The following DACH1 variants were observed in gnomAD, a reference collection of about 807,000 sequenced individuals.
The protein encoded by DACH1 is dachshund family transcription factor 1, also known as dachshund homolog 1.
In DACH1, 12 loss-of-function variants were observed where a neutral mutation model predicts 54.2. The ratio of observed to expected loss-of-function variants is 0.22; its 90% CI spans 0.14 to 0.36. The LOEUF (loss-of-function observed/expected upper bound fraction) is 0.36, where lower values mean the gene tolerates loss of function less well. Ranked by LOEUF, DACH1 falls within the 10% of genes least tolerant of loss-of-function variation. DACH1 has a pLI of 1.00. For missense variants in DACH1, 805 were observed against 929.8 expected (o/e 0.87, Z 1.75); for synonymous variants, 386 against 366.2 (o/e 1.05, Z -0.62).
At chr13:71,455,285 T>TATATAGAGATAGATAGATATATC (rs1875456260) in intron 10 of DACH1, among the ~76,000 whole-genome samples, 1 of 152,118 alleles carries the variant, frequency 6.6e-6, no homozygotes, top group African/African-American at 2.4e-5. Context: ...TACCTCTCCA[T>TATATAGAGATAGATAGATATATC]ATATAGAGAT....
chr13:71,688,791 T>G (rs57006468), intron 1 of DACH1, among the ~76,000 whole-genome samples: 24,770 of 152,148 alleles, frequency 0.16, 4,556 homozygotes, highest in African/African-American at 0.45. Context: ...AATAAATACA[T>G]ACACAAATAT....
chr13:71,688,560 T>C (rs1014459191), intron 1 of DACH1, among the ~76,000 whole-genome samples: 4 of 152,190 alleles, frequency 2.6e-5, no homozygotes, highest in Non-Finnish European at 5.9e-5. Flanking sequence ...CTCTGTGTAG[T>C]TGTGTGTCCC....
chr13:71,532,596 A>G lies in DACH1; in HGVS notation c.1570+24428T>C, dbSNP rs187311130. On this transcript the variant is annotated intron_variant, in intron 6 of 10. Transcript: ENST00000613252. ...GAAAGAGATATTGGGGAGAACTGAAAGGCGTAAACCTAGCTAATGTGTTCA... is the reference window on the plus strand; with the variant it reads ...GAAAGAGATATTGGGGAGAACTGAAGGGCGTAAACCTAGCTAATGTGTTCA... 3.9e-5 allele frequency among the ~76,000 whole-genome samples: 6 copies of G among 152,110 alleles called. No individual in the cohort carries two copies. The East Asian group carries it at 1.2e-3, about 29-fold the overall frequency.
intron 3 of DACH1, among the ~76,000 whole-genome samples, chr13:71,579,944 T>A (rs1484227035): frequency 6.6e-6 from 1 of 152,268 alleles, no homozygotes; most frequent in East Asian, 1.9e-4. Context: ...AATAGTTACA[T>A]AGATTTTTGT....
At chr13:71,698,802 T>A (rs1330727765) in intron 1 of DACH1, among the ~76,000 whole-genome samples, 2 of 152,206 alleles carry the variant, frequency 1.3e-5, no homozygotes, top group African/African-American at 4.8e-5. Context: ...ACTTTCTTAC[T>A]AGTTTTTAAA....
At chr13:71,588,419 G>T (rs1455576778) in intron 3 of DACH1, among the ~76,000 whole-genome samples, 1 of 152,064 alleles carries the variant, frequency 6.6e-6, no homozygotes, top group Middle Eastern at 3.2e-3. Flanking sequence ...GAGGTAAAAA[G>T]TACCCTTTCA....
chr13:71,485,575 C>CTTTTTTTTT (rs68024614), intron 7 of DACH1, among the ~76,000 whole-genome samples: 25 of 46,172 alleles, frequency 5.4e-4, no homozygotes, highest in African/African-American at 1.5e-3. Context: ...TTCTTTTCTT[C>CTTTTTTTTT]TTTTTTTTTT....
chr13:71,713,404 T>A (rs1419559804), intron 1 of DACH1, among the ~76,000 whole-genome samples: 1 of 152,272 alleles, frequency 6.6e-6, no homozygotes, highest in East Asian at 1.9e-4. Context: ...TACAGAAATA[T>A]ATTATTGTTC....
Position 71,866,455 on chromosome 13 carries a change from G to T in DACH1, c.315C>A (p.Asn105Lys). 1 of 1,320,872 alleles carries T rather than the reference G, an allele frequency of 7.6e-7. No individual in the cohort carries two copies. The highest frequency in any genetic ancestry group is 9.7e-7 in the Non-Finnish European group (1 of 1,031,626). 81.8% of individuals were successfully genotyped at this position (1,320,872 alleles called of 1,614,324 possible). ...CGTTGCTCGCGGCCGCCAGGTTGGG[G>T]TTGCAGTTGCTGCCACCGCCGCCGC... ...GGGGGGGSNC[N>K]PNLAAASNGS... is the part of the protein sequence containing the mutation. The change falls in exon 1 of 11, where the codon AAC (asparagine) becomes AAA (lysine). Residue 105 changes from asparagine to lysine, a missense_variant. Asn to Lys is a moderately conservative substitution (Grantham distance 94). Transcript: ENST00000613252.
At chr13:71,466,459 A>G (rs1876573104) in intron 10 of DACH1, among the ~76,000 whole-genome samples, 1 of 152,124 alleles carries the variant, frequency 6.6e-6, no homozygotes, top group Admixed American at 6.6e-5. Context: ...TCCACTTTCA[A>G]TCCATCATTC....
chr13:71,866,485 A>T lies in DACH1; in HGVS notation c.285T>A (p.Gly95=). ...GGGSSGNGGG[G]GGGGGGSNCN... ...AGTTGCTGCCACCGCCGCCGCCGCC[A>T]CCGCCGCCTCCGTTGCCGCTGCTGC... is the stretch of plus-strand genomic sequence containing the variant. Residue 95 remains glycine (G), a synonymous_variant, in exon 1 of 11, where the codon GGT becomes GGA. Transcript: ENST00000613252. The T allele has an allele frequency of 2.4e-6, 3 of 1,226,546 alleles. No homozygotes were observed. The highest frequency in any genetic ancestry group is 3.8e-5 in the Admixed American group (1 of 26,228). 76.0% of individuals were successfully genotyped at this position (1,226,546 alleles called of 1,614,324 possible).
intron 3 of DACH1, among the ~76,000 whole-genome samples, chr13:71,630,097 T>A (rs1566391209): frequency 2.0e-5 from 3 of 152,176 alleles, no homozygotes; most frequent in Non-Finnish European, 2.9e-5. Context: ...ATCATCAACA[T>A]AATCTGTATT....
At chr13:71,445,747 A>T (rs1241888743) in intron 10 of DACH1, among the ~76,000 whole-genome samples, 1 of 152,208 alleles carries the variant, frequency 6.6e-6, no homozygotes, top group African/African-American at 2.4e-5. Flanking sequence ...CAAAATTTTA[A>T]ACAAATGTTA....
At chr13:71,737,935 T>G (rs1884211240) in intron 1 of DACH1, among the ~76,000 whole-genome samples, 1 of 152,072 alleles carries the variant, frequency 6.6e-6, no homozygotes, top group Non-Finnish European at 1.5e-5. Context: ...ACAAGATGAG[T>G]AACGCTGAAA....
In DACH1 at chr13:71,479,416, T is replaced by G. The variant is rs1409129911; in HGVS notation, c.1723-100A>C. On this transcript the variant is annotated intron_variant, in intron 7 of 10. Transcript: ENST00000613252. ...CAAAGCAAAGAACCCAGTGATCAAATGACCTAATTCTTTCGCATTCACTCT... is the reference window on the plus strand; with the variant it reads ...CAAAGCAAAGAACCCAGTGATCAAAGGACCTAATTCTTTCGCATTCACTCT... 12 of 1,207,242 alleles carry G rather than the reference T, an allele frequency of 9.9e-6. No individual in the cohort carries two copies. In the South Asian group the frequency reaches 1.6e-4, roughly 16 times the overall value. 74.8% of individuals were successfully genotyped at this position (1,207,242 alleles called of 1,614,324 possible). A position where few individuals can be genotyped will look rare whatever the true frequency, so the allele number is the denominator to read the frequency against.
chr13:71,812,077 T>C (rs1488239722), intron 1 of DACH1, among the ~76,000 whole-genome samples: 1 of 152,210 alleles, frequency 6.6e-6, no homozygotes, highest in East Asian at 1.9e-4. Flanking sequence ...AGGATCACAG[T>C]TTATTTCCAC....
intron 1 of DACH1, among the ~76,000 whole-genome samples, chr13:71,832,967 C>T (rs1888651366): frequency 1.3e-5 from 2 of 151,802 alleles, no homozygotes; most frequent in African/African-American, 4.8e-5. Context: ...GAATTCCACT[C>T]CCTACTTTTT....
Position 71,514,704 on chromosome 13 carries a change from T to A in DACH1, c.1571-25556A>T, listed in dbSNP as rs185180718. ...AGACAGAGTTATATGTGTACATTTC[T>A]TTCATCTCCTTCAATGAAATGAAAC... On this transcript the variant is annotated intron_variant, in intron 6 of 10. Transcript: ENST00000613252. Among the ~76,000 whole-genome samples, 54 of 152,066 alleles carry A rather than the reference T, an allele frequency of 3.6e-4. 1 individual carries two copies. Among genetic ancestry groups the A allele is most frequent in the Non-Finnish European group, 4.4e-5 (3 of 67,904 alleles).
At chr13:71,774,800 G>A (rs1885994527) in intron 1 of DACH1, among the ~76,000 whole-genome samples, 2 of 152,004 alleles carry the variant, frequency 1.3e-5, no homozygotes, top group African/African-American at 4.8e-5. Context: ...AAAACCATAA[G>A]GCATTATGGT....
Sources: allele counts gnomAD v4.1 joint callset (sites outside exome capture counted in the v4.1 genomes callset), GRCh38; gene constraint gnomAD v4.1.1; transcripts MANE v1.5; gene names NCBI Gene and HGNC (gene_info 2026-07-23, HGNC 2026-07-21).